The following RALGPS1 variants were observed in gnomAD, a reference collection of about 807,000 sequenced individuals.
RALGPS1 encodes Ral GEF with PH domain and SH3 binding motif 1.
Under a neutral mutation model 78.8 loss-of-function variants are expected in RALGPS1, and 19 were observed. That is an observed-to-expected ratio of 0.24 (90% confidence interval 0.17 to 0.35). The LOEUF is 0.35. Ranked by LOEUF, RALGPS1 falls within the 10% of genes least tolerant of loss-of-function variation. RALGPS1 has a pLI of 1.00. For missense variants in RALGPS1, 454 were observed against 688.3 expected (o/e 0.66, Z 3.81); for synonymous variants, 228 against 256.3 (o/e 0.89, Z 1.06).
chr9:127,003,793 T>C (rs1007602467), intron 4 of RALGPS1, among the ~76,000 whole-genome samples: 1 of 152,192 alleles, frequency 6.6e-6, no homozygotes, highest in Non-Finnish European at 1.5e-5. Flanking sequence ...GCCATGGTGG[T>C]TTGCTGCACC....
At chr9:127,049,906 C>T (rs1248374590) in intron 5 of RALGPS1, 137 bp from the exon 6 acceptor site, 2 of 676,054 alleles carry the variant, frequency 3.0e-6, no homozygotes, top group East Asian at 2.7e-5. Flanking sequence ...ACTCATGTGA[C>T]CCCAGGCTAT....
chr9:127,163,030 C>G (rs2059108241), intron 8 of RALGPS1, among the ~76,000 whole-genome samples: 1 of 152,148 alleles, frequency 6.6e-6, no homozygotes, highest in Non-Finnish European at 1.5e-5. Context: ...AGGGAAGTTT[C>G]TGTCTTGGAT....
intron 4 of RALGPS1, among the ~76,000 whole-genome samples, chr9:126,981,018 C>T (rs761398255): frequency 6.6e-6 from 1 of 152,150 alleles, no homozygotes; most frequent in African/African-American, 2.4e-5. Context: ...AGACATCAGC[C>T]ACTTCCTAGC....
At chr9:127,093,931 G>C in intron 8 of RALGPS1, 1 of 1,613,216 alleles carries the variant, frequency 6.2e-7, no homozygotes, top group Non-Finnish European at 8.5e-7. Flanking sequence ...ATGGGCCTGG[G>C]GACACAGACA....
At chr9:126,919,585 A>T (rs556323301) in intron 1 of RALGPS1, among the ~76,000 whole-genome samples, 1 of 152,356 alleles carries the variant, frequency 6.6e-6, no homozygotes, top group Non-Finnish European at 1.5e-5. Flanking sequence ...AAAATAGATA[A>T]TGATAATAGG....
At chr9:127,123,787 G>A (rs1303109179) in intron 8 of RALGPS1, among the ~76,000 whole-genome samples, 1 of 152,210 alleles carries the variant, frequency 6.6e-6, no homozygotes, top group Non-Finnish European at 1.5e-5. Flanking sequence ...TACAGTCAGT[G>A]CAGGAGGACA....
chr9:127,036,352 G>C lies in RALGPS1; in HGVS notation c.300+1838G>C, dbSNP rs3936029. Among the ~76,000 whole-genome samples, 517 of 152,328 alleles carry C rather than the reference G, an allele frequency of 3.4e-3. 7 individuals carry two copies. Among genetic ancestry groups the C allele is most frequent in the African/African-American group, 0.012 (502 of 41,572 alleles). ...GCGTCCCTTCCTGGCAGAATTTTAT[G>C]TGTGAGAACAAGACTCATCAGACTC... is the stretch of plus-strand genomic sequence containing the variant. On this transcript the variant is annotated intron_variant, in intron 5 of 18. Transcript: ENST00000259351.
At chr9:127,036,842 G>C (rs888578440) in intron 5 of RALGPS1, among the ~76,000 whole-genome samples, 2 of 152,190 alleles carry the variant, frequency 1.3e-5, no homozygotes, top group African/African-American at 4.8e-5. Context: ...ACATATGAAT[G>C]TTCCTCCAGA....
Position 127,218,433 on chromosome 9 carries a change from C to T in RALGPS1, c.1645-307C>T, listed in dbSNP as rs983336071. On this transcript the variant is annotated intron_variant, in intron 18 of 18. Coordinates refer to ENST00000259351, the MANE Select transcript of RALGPS1 (RefSeq NM_014636.3). This position sits in a 1 kb window ranked among gnomAD's most constrained non-coding sequence, Gnocchi z 4.4. ...TCTGGGTTCTTAGCCCTGCTGCTTA[C>T]TTGCTGTGTACTGAACCTCCCTAAG... 6.6e-6 allele frequency among the ~76,000 whole-genome samples: 1 copy of T among 152,202 alleles called. No homozygotes were observed. Among genetic ancestry groups the T allele is most frequent in the Admixed American group, 6.5e-5 (1 of 15,288 alleles).
intron 4 of RALGPS1, among the ~76,000 whole-genome samples, chr9:126,991,082 A>T (rs542681088): frequency 6.8e-4 from 104 of 152,276 alleles, no homozygotes; most frequent in Middle Eastern, 6.8e-3. Context: ...GTTACTTAGC[A>T]CCCAAAGGCT....
intron 7 of RALGPS1, among the ~76,000 whole-genome samples, chr9:127,057,439 C>T (rs925978095): frequency 1.3e-5 from 2 of 152,202 alleles, no homozygotes; most frequent in African/African-American, 2.4e-5. Flanking sequence ...TAGGGCAGGG[C>T]GTCCTGTTGG....
intron 8 of RALGPS1, among the ~76,000 whole-genome samples, chr9:127,159,691 A>T (rs929491972): frequency 2.0e-5 from 3 of 152,174 alleles, no homozygotes; most frequent in African/African-American, 4.8e-5. Flanking sequence ...GCCTGCTGAG[A>T]TCTCATCATG....
intron 8 of RALGPS1, among the ~76,000 whole-genome samples, chr9:127,127,656 G>C (rs2056717084): frequency 6.6e-6 from 1 of 152,196 alleles, no homozygotes; most frequent in African/African-American, 2.4e-5. Flanking sequence ...AGCTACTTGT[G>C]ATGTGCTAGA....
At chr9:127,215,882 C>G (rs2062551040) in intron 18 of RALGPS1, among the ~76,000 whole-genome samples, 2 of 152,228 alleles carry the variant, frequency 1.3e-5, no homozygotes, top group South Asian at 4.1e-4. Flanking sequence ...CAGGAGTCCT[C>G]TCCTAGCCCA....
intron 4 of RALGPS1, among the ~76,000 whole-genome samples, chr9:126,983,605 A>G (rs1306895655): frequency 2.0e-5 from 3 of 152,156 alleles, no homozygotes; most frequent in Non-Finnish European, 4.4e-5. Flanking sequence ...AAACCCACTA[A>G]TAGCAGTGAC....
intron 3 of RALGPS1, among the ~76,000 whole-genome samples, chr9:126,975,701 A>G (rs1047651232): frequency 6.6e-6 from 1 of 152,198 alleles, no homozygotes; most frequent in Admixed American, 6.5e-5. Flanking sequence ...ATGGAGCTCT[A>G]GGCCAAACAT....
chr9:127,013,740 G>T (rs937392348), intron 4 of RALGPS1, among the ~76,000 whole-genome samples: 1 of 152,104 alleles, frequency 6.6e-6, no homozygotes, highest in Non-Finnish European at 1.5e-5. Context: ...TAAGGGGGGC[G>T]TGCAGGTAGG....
At position 127,148,172 on chromosome 9, in the gene RALGPS1, A is replaced by G. The variant is rs2058208449; in HGVS notation, c.611-17897A>G. Among the ~76,000 whole-genome samples the G allele has an allele frequency of 3.9e-5, 6 of 152,344 alleles. No homozygotes were observed. In the South Asian group the frequency reaches 1.2e-3, roughly 32 times the overall value. ...AGCACAGTATCTGTGGATTCGGTGT[A>G]TGAGAAGCTGCGGTTGCCCAGAAGA... On this transcript the variant is annotated intron_variant, in intron 8 of 18. Transcript: ENST00000259351.
chr9:127,022,881 T>C (rs957185444), intron 4 of RALGPS1, among the ~76,000 whole-genome samples: 1 of 152,228 alleles, frequency 6.6e-6, no homozygotes, highest in East Asian at 1.9e-4. Context: ...TGACTTATTA[T>C]GATTTCTTTA....
Sources: allele counts gnomAD v4.1 joint callset (sites outside exome capture counted in the v4.1 genomes callset), GRCh38; gene constraint gnomAD v4.1.1; non-coding constraint Gnocchi (gnomAD v3.1); transcripts MANE v1.5; gene names NCBI Gene and HGNC (gene_info 2026-07-23, HGNC 2026-07-21).